The following PRELID2 variants were observed in gnomAD, a reference collection of about 807,000 sequenced individuals.
The protein encoded by PRELID2 is PRELI domain containing 2.
In PRELID2, 25 loss-of-function variants were observed where a neutral mutation model predicts 28.4. The ratio of observed to expected loss-of-function variants is 0.88; its 90% CI spans 0.64 to 1.23. PRELID2 has a LOEUF of 1.23. Among genes scored for constraint, PRELID2 ranks in the 50% most tolerant of loss-of-function variants. The pLI is 0.00. For synonymous variants in PRELID2, 76 were observed against 71.6 expected, an observed-to-expected ratio of 1.06 and a Z score of -0.31; for missense variants, 201 against 214.4, an observed-to-expected ratio of 0.94 and a Z score of 0.39.
At chr5:145,443,370 T>C in the PRELID2 span, among the ~76,000 whole-genome samples, 28 of 152,120 alleles carry the variant, frequency 1.8e-4, no homozygotes, top group Admixed American at 5.2e-4. Flanking sequence ...CCTCCCTCCA[T>C]ATATAGAAGA....
intron 1 of PRELID2, among the ~76,000 whole-genome samples, chr5:145,824,998 G>A (rs940700039): frequency 6.6e-6 from 1 of 151,978 alleles, no homozygotes; most frequent in Admixed American, 6.6e-5. Flanking sequence ...GGCTGAGGCG[G>A]GTGGATCACT....
intron 2 of PRELID2, among the ~76,000 whole-genome samples, chr5:145,472,942 CT>C (rs1752067069): frequency 1.3e-5 from 2 of 152,036 alleles, no homozygotes; most frequent in Non-Finnish European, 2.9e-5. Flanking sequence ...TCTGACCTAC[CT>C]TTTTTTAAGG....
downstream of PRELID2, among the ~76,000 whole-genome samples, chr5:145,756,161 C>T (rs899075141): frequency 1.3e-5 from 2 of 152,142 alleles, no homozygotes; most frequent in Non-Finnish European, 2.9e-5. Flanking sequence ...GTGGCCTCTG[C>T]TTATTTCTGG....
intron 1 of PRELID2, among the ~76,000 whole-genome samples, chr5:145,628,070 T>G (rs76588645): frequency 0.093 from 14,151 of 152,186 alleles, 865 homozygotes; most frequent in Admixed American, 0.2. Flanking sequence ...TTGGGAATAT[T>G]TTACATACAT....
downstream of PRELID2, among the ~76,000 whole-genome samples, chr5:145,468,249 T>A (rs1454513914): frequency 6.6e-6 from 1 of 152,176 alleles, no homozygotes; most frequent in Non-Finnish European, 1.5e-5. Flanking sequence ...CATGAACTCA[T>A]CACTTTTTAT....
chr5:145,806,104 CACT>C (rs1209012309), intron 4 of PRELID2, among the ~76,000 whole-genome samples: 1 of 152,144 alleles, frequency 6.6e-6, no homozygotes, highest in Non-Finnish European at 1.5e-5. Flanking sequence ...ACCTAGGCTA[CACT>C]AAATTTATTT....
At chr5:145,806,776 T>G (rs1753543138) in intron 4 of PRELID2, among the ~76,000 whole-genome samples, 1 of 152,082 alleles carries the variant, frequency 6.6e-6, no homozygotes, top group African/African-American at 2.4e-5. Flanking sequence ...TCTCATGAGA[T>G]CTGATGGTTT....
intron 1 of PRELID2, among the ~76,000 whole-genome samples, chr5:145,597,582 C>T (rs1340008172): frequency 3.3e-5 from 5 of 152,140 alleles, no homozygotes; most frequent in African/African-American, 1.2e-4. Flanking sequence ...TCAGATACTT[C>T]AAATGAACTT....
At chr5:145,229,599 A>G in the PRELID2 span, 1 of 1,277,408 alleles carries the variant, frequency 7.8e-7, no homozygotes, top group Non-Finnish European at 1.1e-6. Context: ...GCAGGCAAGC[A>G]CGGTGTGGGC....
chr5:145,365,467 C>A, the PRELID2 span, among the ~76,000 whole-genome samples: 1 of 151,770 alleles, frequency 6.6e-6, no homozygotes, highest in Non-Finnish European at 1.5e-5. Flanking sequence ...TTGTGACTTA[C>A]ACGTGGAGCC....
intron 1 of PRELID2, chr5:145,728,302 C>T (rs1756233930): frequency 3.6e-6 from 1 of 278,596 alleles, no homozygotes; most frequent in Non-Finnish European, 7.0e-6. Flanking sequence ...CTGTGAGTTC[C>T]TGCAAGTCCC....
the PRELID2 span, among the ~76,000 whole-genome samples, chr5:145,270,683 T>A: frequency 7.9e-5 from 12 of 152,136 alleles, no homozygotes; most frequent in African/African-American, 2.7e-4. Context: ...TACCTTGTTA[T>A]AAAGAAGGAT....
intron 1 of PRELID2, among the ~76,000 whole-genome samples, chr5:145,588,287 C>T (rs1273972764): frequency 6.6e-6 from 1 of 152,034 alleles, no homozygotes; most frequent in East Asian, 1.9e-4. Context: ...GACTGGAAAC[C>T]ATCCAGACTG....
At chr5:145,582,817 C>G (rs1753118708) in intron 1 of PRELID2, among the ~76,000 whole-genome samples, 1 of 151,762 alleles carries the variant, frequency 6.6e-6, no homozygotes, top group Non-Finnish European at 1.5e-5. Context: ...GCTTACTAAC[C>G]AAAAAAACCC....
At chr5:145,336,961 G>A in the PRELID2 span, among the ~76,000 whole-genome samples, 1 of 115,182 alleles carries the variant, frequency 8.7e-6, no homozygotes, top group African/African-American at 3.3e-5. Context: ...GGGGACTGTT[G>A]TGGGGTGGGG....
intron 1 of PRELID2, among the ~76,000 whole-genome samples, chr5:145,721,733 G>T (rs1277346746): frequency 6.6e-6 from 1 of 152,130 alleles, no homozygotes; most frequent in Admixed American, 6.6e-5. Flanking sequence ...CAGTGATTCA[G>T]AAGAGCTAAA....
chr5:145,424,833 G>T, the PRELID2 span, among the ~76,000 whole-genome samples: 1 of 152,222 alleles, frequency 6.6e-6, no homozygotes, highest in African/African-American at 2.4e-5. Flanking sequence ...GAAAATCTAG[G>T]CAATACCATT....
At chr5:145,258,938 C>T in the PRELID2 span, among the ~76,000 whole-genome samples, 20 of 152,290 alleles carry the variant, frequency 1.3e-4, no homozygotes, top group Admixed American at 1.0e-3. Flanking sequence ...GCCCAGGGCC[C>T]TGCCACCCTG....
At chr5:145,585,472 T>C (rs1003858359) in intron 1 of PRELID2, among the ~76,000 whole-genome samples, 1 of 152,146 alleles carries the variant, frequency 6.6e-6, no homozygotes, top group African/African-American at 2.4e-5. Context: ...TTAAAAATGA[T>C]AACAATAATT....
Sources: gnomAD v4.1 joint callset for allele counts (sites outside exome capture counted in the v4.1 genomes callset) on GRCh38, gnomAD v4.1.1 for gene constraint, MANE v1.5 for transcripts, NCBI Gene and HGNC (gene_info 2026-07-23, HGNC 2026-07-21) for gene names.